Variants in ATP6V1C1 observed in about 807,000 individuals in gnomAD.
The protein encoded by ATP6V1C1 is ATPase H+ transporting V1 subunit C1, also known as V-type proton ATPase subunit C 1.
Under a neutral mutation model 53.9 loss-of-function variants are expected in ATP6V1C1, and 45 were observed. The ratio of observed to expected loss-of-function variants is 0.83; its 90% CI spans 0.66 to 1.07. ATP6V1C1 has a LOEUF of 1.07. Among genes scored for constraint, ATP6V1C1 ranks in the 50% least tolerant of loss-of-function variants. The pLI is 0.00. For synonymous variants in ATP6V1C1, 153 were observed against 155.2 expected (o/e 0.99, Z 0.11); for missense variants, 315 against 440.3 (o/e 0.72, Z 2.55).
chr8:103,055,462 A>G (rs1817274420), intron 7 of ATP6V1C1, among the ~76,000 whole-genome samples: 1 of 152,174 alleles, frequency 6.6e-6, no homozygotes. Context: ...TGTGCTTTCC[A>G]TAAATATAGT....
rs1006871265 is a variant in ATP6V1C1, at chr8:103,072,691, A to T, written c.*3944A>T. On this transcript the variant is annotated 3_prime_UTR_variant, in exon 13 of 13. Transcript: ENST00000518738. ...CTTTCTAAAGAAAGGAATATGGCAC[A>T]TTGGAACCATTTTATTCACCAGTGG... The T allele has an allele frequency of 6.6e-6, 1 of 152,250 alleles. No homozygotes were observed. The highest frequency in any genetic ancestry group is 1.5e-5 in the Non-Finnish European group (1 of 68,040). The allele number at this position is 152,250 out of a possible 1,614,324, so 9.4% of individuals were successfully genotyped here.
intron 12 of ATP6V1C1, among the ~76,000 whole-genome samples, chr8:103,067,985 A>G (rs1181680026): frequency 6.6e-6 from 1 of 152,118 alleles, no homozygotes; most frequent in Non-Finnish European, 1.5e-5. Flanking sequence ...TGCATTTATA[A>G]TAAGTGTTAT....
chr8:103,054,300 G>A lies in ATP6V1C1; in HGVS notation c.572+318G>A, dbSNP rs142245003. Among the ~76,000 whole-genome samples, 859 of 152,126 alleles carry A rather than the reference G, an allele frequency of 5.6e-3. 8 individuals are homozygous for A. Among genetic ancestry groups the A allele is most frequent in the Admixed American group, 1.0e-2 (152 of 15,260 alleles). On this transcript the variant is annotated intron_variant, in intron 7 of 12. Transcript: ENST00000518738. ...GATTTTAGATTTCTCAAAATAGGAA[G>A]GTCTTTGCGTTTTTTTCCTGAAAAA...
chr8:103,021,999 G>C (rs1353252316), intron 1 of ATP6V1C1, among the ~76,000 whole-genome samples: 2 of 152,196 alleles, frequency 1.3e-5, no homozygotes, highest in Admixed American at 1.3e-4. Context: ...AATGGAACGG[G>C]TGGGATGTGA....
intron 4 of ATP6V1C1, among the ~76,000 whole-genome samples, chr8:103,049,443 C>T (rs933083091): frequency 5.9e-5 from 9 of 152,060 alleles, no homozygotes; most frequent in South Asian, 2.1e-4. Flanking sequence ...ACTTAATACC[C>T]GTAAAATAGC....
At chr8:103,062,370 C>T (rs1340890418) in intron 8 of ATP6V1C1, among the ~76,000 whole-genome samples, 1 of 151,694 alleles carries the variant, frequency 6.6e-6, no homozygotes, top group African/African-American at 2.4e-5. Flanking sequence ...ACAGTCTTGC[C>T]ATGTTGCCCA....
At chr8:103,039,274 A>C (rs1312119851) in intron 1 of ATP6V1C1, among the ~76,000 whole-genome samples, 1 of 152,192 alleles carries the variant, frequency 6.6e-6, no homozygotes, top group Non-Finnish European at 1.5e-5. Context: ...AGAAAAATTA[A>C]CAAGTATATA....
intron 1 of ATP6V1C1, among the ~76,000 whole-genome samples, chr8:103,039,111 C>G (rs546013803): frequency 6.6e-6 from 1 of 152,312 alleles, no homozygotes; most frequent in Non-Finnish European, 1.5e-5. Flanking sequence ...TTTAATACCA[C>G]TGTCTGCATC....
At chr8:103,031,115 C>T (rs995444633) in intron 1 of ATP6V1C1, among the ~76,000 whole-genome samples, 12 of 152,206 alleles carry the variant, frequency 7.9e-5, no homozygotes, top group South Asian at 4.2e-4. Context: ...AGCATTTTTA[C>T]AAATATGCTC....
At chr8:103,052,608 A>G (rs553855391) in intron 5 of ATP6V1C1, 123 bp from the exon 6 acceptor site, 1 of 440,314 alleles carries the variant, frequency 2.3e-6, no homozygotes, top group Non-Finnish European at 3.9e-6. Flanking sequence ...AAATAATAGA[A>G]TATTCTTACA....
intron 1 of ATP6V1C1, among the ~76,000 whole-genome samples, chr8:103,037,121 G>T (rs935320785): frequency 2.0e-5 from 3 of 152,130 alleles, no homozygotes; most frequent in Non-Finnish European, 2.9e-5. Context: ...GCGATAGGTG[G>T]TGATGTGATC....
At chr8:103,066,161 A>G (rs773752337) in intron 11 of ATP6V1C1, among the ~76,000 whole-genome samples, 160 bp from the exon 12 acceptor site, 1 of 151,100 alleles carries the variant, frequency 6.6e-6, no homozygotes, top group Non-Finnish European at 1.5e-5. Flanking sequence ...TGTGTATATT[A>G]GTTTCAGTTT....
At chr8:103,065,573 AACAAAAC>A (rs991255865) in intron 11 of ATP6V1C1, among the ~76,000 whole-genome samples, 1 of 152,000 alleles carries the variant, frequency 6.6e-6, no homozygotes, top group African/African-American at 2.4e-5. Context: ...CGCCTGAAAA[AACAAAAC>A]ACAAAACAAA....
At chr8:103,045,233 G>A (rs1210938547) in intron 3 of ATP6V1C1, among the ~76,000 whole-genome samples, 2 of 152,198 alleles carry the variant, frequency 1.3e-5, no homozygotes, top group Non-Finnish European at 2.9e-5. Flanking sequence ...CTGTTAAAAT[G>A]CTTTTCTGAA....
intron 1 of ATP6V1C1, among the ~76,000 whole-genome samples, chr8:103,036,899 C>A (rs1176251461): frequency 6.6e-6 from 1 of 151,952 alleles, no homozygotes; most frequent in African/African-American, 2.4e-5. Context: ...AAAAATGTAT[C>A]CTTTGATATA....
chr8:103,052,799 T>C lies in ATP6V1C1; in HGVS notation c.450T>C (p.Leu150=). 1 of 1,597,962 alleles carries C rather than the reference T, an allele frequency of 6.3e-7. No homozygotes were observed. Among genetic ancestry groups the C allele is most frequent in the Admixed American group, 1.7e-5 (1 of 57,724 alleles). The change falls in exon 6 of 13, where the codon CTT becomes CTC. Residue 150 remains leucine (L), a synonymous_variant. Coordinates refer to ENST00000518738, the MANE Select transcript of ATP6V1C1 (RefSeq NM_001695.5). ...ASAYNNLKGN[L]QNLERKNAGS... is the part of the protein sequence containing the mutation. ...CATACAATAACCTGAAAGGAAATCTTCAGAATTTGGAACGAAAGAATGCGT... is the reference window on the plus strand; with the variant it reads ...CATACAATAACCTGAAAGGAAATCTCCAGAATTTGGAACGAAAGAATGCGT...
intron 7 of ATP6V1C1, 130 bp from the exon 8 acceptor site, chr8:103,055,738 G>A: frequency 1.3e-6 from 1 of 741,234 alleles, no homozygotes. Flanking sequence ...AATTTTTTTT[G>A]TTAAATAGAG....
chr8:103,061,815 T>G (rs1347810148), intron 8 of ATP6V1C1, among the ~76,000 whole-genome samples: 1 of 152,220 alleles, frequency 6.6e-6, no homozygotes, highest in Non-Finnish European at 1.5e-5. Context: ...GCCCCAAGGT[T>G]ATCGCTGTGG....
intron 5 of ATP6V1C1, 115 bp from the exon 6 acceptor site, chr8:103,052,616 A>C (rs548940284): frequency 2.6e-4 from 121 of 467,382 alleles, no homozygotes; most frequent in Non-Finnish European, 3.9e-4. Flanking sequence ...GAATATTCTT[A>C]CACTAGAAAC....
Sources: gnomAD v4.1 joint callset for allele counts (sites outside exome capture counted in the v4.1 genomes callset) on GRCh38, gnomAD v4.1.1 for gene constraint, MANE v1.5 for transcripts, NCBI Gene and HGNC (gene_info 2026-07-23, HGNC 2026-07-21) for gene names.